SORCS2: variants seen among roughly 807,000 people sequenced by gnomAD.
SORCS2 encodes the protein sortilin related VPS10 domain containing receptor 2, also known as VPS10 domain-containing receptor SorCS2.
Under a neutral mutation model 141.6 loss-of-function variants are expected in SORCS2, and 100 were observed. That is an observed-to-expected ratio of 0.71 (90% CI 0.60 to 0.83). The LOEUF is 0.83. Ranked by LOEUF, SORCS2 falls within the 40% of genes least tolerant of loss-of-function variation. SORCS2 has a pLI of 0.00. For synonymous variants in SORCS2, 789 were observed against 676.9 expected, an observed-to-expected ratio of 1.17 and a Z score of -2.57; for missense variants, 1,646 against 1,560.2, an observed-to-expected ratio of 1.05 and a Z score of -0.93.
intron 1 of SORCS2, among the ~76,000 whole-genome samples, chr4:7,262,357 T>TCCAC (rs1214083365): frequency 2.1e-5 from 3 of 144,442 alleles, no homozygotes; most frequent in Non-Finnish European, 4.5e-5. Flanking sequence ...CATCCATCCA[T>TCCAC]CCACCCACCT....
chr4:7,569,746 T>C (rs1715259114), intron 3 of SORCS2, among the ~76,000 whole-genome samples: 1 of 152,176 alleles, frequency 6.6e-6, no homozygotes, highest in South Asian at 2.1e-4. Flanking sequence ...ACACATATAA[T>C]ACAACATGTA....
At chr4:7,477,301 T>TTTCAGTGGG (rs11268679) in intron 2 of SORCS2, among the ~76,000 whole-genome samples, 14 of 35,398 alleles carry the variant, frequency 4.0e-4, no homozygotes, top group Admixed American at 4.6e-4. Flanking sequence ...AACAGTGGGG[T>TTTCAGTGGG]CTGACTGAGG....
intron 3 of SORCS2, among the ~76,000 whole-genome samples, chr4:7,582,730 C>G (rs1252556195): frequency 1.3e-5 from 2 of 152,210 alleles, no homozygotes; most frequent in Non-Finnish European, 2.9e-5. Flanking sequence ...GTCTTGCAAC[C>G]TCTTTCTCTA....
intron 1 of SORCS2, among the ~76,000 whole-genome samples, chr4:7,229,410 C>T (rs535534803): frequency 1.3e-5 from 2 of 152,214 alleles, no homozygotes; most frequent in Admixed American, 1.3e-4. Flanking sequence ...AGGACTCCAT[C>T]CTCTTCCCTT....
chr4:7,504,137 G>T (rs928012545), intron 2 of SORCS2, among the ~76,000 whole-genome samples: 2 of 152,242 alleles, frequency 1.3e-5, no homozygotes, highest in African/African-American at 4.8e-5. Flanking sequence ...GCAGCTCACA[G>T]CTGCGCTCTC....
At chr4:7,586,724 T>A (rs901685944) in intron 3 of SORCS2, among the ~76,000 whole-genome samples, 1 of 152,208 alleles carries the variant, frequency 6.6e-6, no homozygotes, top group Middle Eastern at 3.2e-3. Flanking sequence ...CTTTACCCAG[T>A]CTATCATGGA....
At position 7,733,402 on chromosome 4, in the gene SORCS2, C is replaced by A; in HGVS notation, c.3189C>A (p.Ala1063=). 1 of 1,591,552 alleles carries A rather than the reference C, an allele frequency of 6.3e-7. No individual in the cohort carries two copies. Among genetic ancestry groups the A allele is most frequent in the East Asian group, 2.3e-5 (1 of 43,996 alleles). The change falls in exon 24 of 27, where the codon GCC becomes GCA. Residue 1063 remains alanine (A), a synonymous_variant. Coordinates refer to ENST00000507866, the MANE Select transcript of SORCS2 (RefSeq NM_020777.3). Reference sequence around the variant, plus strand: ...GAGGCGGAGTCCGGGTCCTGGTGGCCCTGCGGGACACAGGCACAGGTGAGC... The same window carrying A: ...GAGGCGGAGTCCGGGTCCTGGTGGCACTGCGGGACACAGGCACAGGTGAGC... ...LLRGGVRVLV[A]LRDTGTGAEQ...
intron 3 of SORCS2, among the ~76,000 whole-genome samples, chr4:7,610,590 T>TG (rs1041781775): frequency 2.0e-5 from 3 of 151,908 alleles, no homozygotes; most frequent in Non-Finnish European, 2.9e-5. Context: ...GGGTGGGGCT[T>TG]GGGGGGGTCC....
intron 18 of SORCS2, among the ~76,000 whole-genome samples, 187 bp from the exon 19 acceptor site, chr4:7,723,510 A>G (rs1726740893): frequency 6.6e-6 from 1 of 152,064 alleles, no homozygotes; most frequent in African/African-American, 2.4e-5. Flanking sequence ...GGTCAGCCCC[A>G]TACTCCAGGA....
At chr4:7,455,452 G>C (rs1435940804) in intron 2 of SORCS2, among the ~76,000 whole-genome samples, 1 of 136,456 alleles carries the variant, frequency 7.3e-6, no homozygotes, top group Non-Finnish European at 1.6e-5. Context: ...GTCAGGAGCT[G>C]TGTGTTGGGG....
chr4:7,481,571 C>A (rs181019818), intron 2 of SORCS2, among the ~76,000 whole-genome samples: 46 of 152,252 alleles, frequency 3.0e-4, no homozygotes, highest in African/African-American at 1.1e-3. Context: ...CTGAATGTAA[C>A]GTTGACCATT....
intron 1 of SORCS2, among the ~76,000 whole-genome samples, chr4:7,301,553 C>T (rs1020297946): frequency 7.2e-5 from 11 of 152,342 alleles, no homozygotes; most frequent in South Asian, 2.1e-4. Context: ...GCTGGGAGCA[C>T]GGCAGGCAGA....
intron 5 of SORCS2, among the ~76,000 whole-genome samples, chr4:7,657,252 G>A (rs1305055965): frequency 6.6e-6 from 1 of 152,254 alleles, no homozygotes; most frequent in South Asian, 2.1e-4. Context: ...TAGGGTGAGT[G>A]ACTCAGGAAA....
chr4:7,420,732 C>T (rs370046719), intron 2 of SORCS2, among the ~76,000 whole-genome samples: 10 of 152,306 alleles, frequency 6.6e-5, no homozygotes, highest in Middle Eastern at 6.8e-3. Context: ...CTGGAGAGGA[C>T]TCCGTGGGAT....
intron 1 of SORCS2, among the ~76,000 whole-genome samples, chr4:7,230,865 G>A (rs1711822011): frequency 1.3e-5 from 2 of 152,160 alleles, no homozygotes; most frequent in South Asian, 4.2e-4. Flanking sequence ...AGATGGTCAA[G>A]CCTTCGAGTC....
intron 4 of SORCS2, among the ~76,000 whole-genome samples, chr4:7,646,911 A>G (rs1318355845): frequency 6.6e-6 from 1 of 152,148 alleles, no homozygotes; most frequent in Non-Finnish European, 1.5e-5. Flanking sequence ...GCGTTTTGGG[A>G]TCAGGGTGCA....
intron 1 of SORCS2, among the ~76,000 whole-genome samples, chr4:7,385,721 GC>G (rs1178543942): frequency 6.6e-6 from 1 of 152,228 alleles, no homozygotes; most frequent in African/African-American, 2.4e-5. Context: ...ACAGACGCCA[GC>G]TCCAGGCTCC....
chr4:7,719,603 A>G (rs577751213), intron 18 of SORCS2, among the ~76,000 whole-genome samples: 11 of 152,314 alleles, frequency 7.2e-5, no homozygotes, highest in Admixed American at 4.6e-4. Context: ...AGCCAGGGGC[A>G]GCCCTGGGGC....
intron 1 of SORCS2, among the ~76,000 whole-genome samples, chr4:7,362,202 C>G (rs1721624005): frequency 6.6e-6 from 1 of 152,068 alleles, no homozygotes; most frequent in African/African-American, 2.4e-5. Context: ...AACTTGTATT[C>G]CAAATATCCA....
Sources: gnomAD v4.1 joint callset for allele counts (sites outside exome capture counted in the v4.1 genomes callset) on GRCh38, gnomAD v4.1.1 for gene constraint, MANE v1.5 for transcripts, NCBI Gene and HGNC (gene_info 2026-07-23, HGNC 2026-07-21) for gene names.